Variants in PCDHGA2 observed in about 807,000 individuals in gnomAD.
PCDHGA2 encodes the protein protocadherin gamma-A2.
PCDHGA2 carries 40 observed loss-of-function variants against 59.2 expected under a neutral mutation model. The observed-to-expected ratio is 0.68, with a 90% CI of 0.52 to 0.88. The LOEUF (loss-of-function observed/expected upper bound fraction) is 0.88. Ranked by LOEUF, PCDHGA2 falls within the 40% of genes least tolerant of loss-of-function variation. PCDHGA2 has a pLI of 0.00. For synonymous variants in PCDHGA2, 560 were observed against 526.0 expected, an observed-to-expected ratio of 1.06 and a Z score of -0.89; for missense variants, 1,226 against 1,204.0, an observed-to-expected ratio of 1.02 and a Z score of -0.27.
At chr5:141,383,802 A>G in intron 1 of PCDHGA2, 1 of 1,613,998 alleles carries the variant, frequency 6.2e-7, no homozygotes, top group Non-Finnish European at 8.5e-7. Context: ...CAGGAGAAAT[A>G]TCAACTTTAG....
rs1326093295 is a variant in PCDHGA2 at position 141,364,677 on chromosome 5, T to TTTC, written c.2424+23284_2424+23285insCTT. The stretch of plus-strand genomic sequence containing the variant: ...ATCTTGGTTGAGAACAAAATGAAAA[T>TTTC]TTATGGAGTAGAAGTAGAAATAATC... On this transcript the variant is annotated intron_variant, in intron 1 of 3. Coordinates refer to ENST00000394576, the MANE Select transcript of PCDHGA2 (RefSeq NM_018915.4). The TTTC allele has an allele frequency of 3.7e-6, 6 of 1,613,806 alleles. No homozygotes were observed. In the African/African-American group the frequency reaches 6.7e-5, roughly 18 times the overall value.
intron 1 of PCDHGA2, chr5:141,360,778 G>A: frequency 6.2e-7 from 1 of 1,613,918 alleles, no homozygotes; most frequent in African/African-American, 1.3e-5. Flanking sequence ...CCTCACAGCT[G>A]TGGATGGCGG....
intron 1 of PCDHGA2, chr5:141,417,903 A>G (rs2096184376): frequency 1.3e-6 from 2 of 1,590,930 alleles, no homozygotes; most frequent in Non-Finnish European, 8.6e-7. Flanking sequence ...GGCCCGCGGC[A>G]GGTACTATTT....
intron 1 of PCDHGA2, among the ~76,000 whole-genome samples, chr5:141,473,096 G>A (rs1007912058): frequency 9.9e-5 from 15 of 152,058 alleles, no homozygotes; most frequent in African/African-American, 3.6e-4. Context: ...ACTGTGAGTT[G>A]TATTACCACA....
At chr5:141,360,395 G>A in intron 1 of PCDHGA2, 1 of 1,613,930 alleles carries the variant, frequency 6.2e-7, no homozygotes, top group South Asian at 1.1e-5. Flanking sequence ...TTACTTGTGA[G>A]TGACAGAATA....
intron 1 of PCDHGA2, chr5:141,365,047 G>A (rs1436850571): frequency 2.5e-6 from 4 of 1,613,804 alleles, no homozygotes; most frequent in Non-Finnish European, 3.4e-6. Flanking sequence ...ACGACAATGC[G>A]CCCCTGTTCA....
intron 1 of PCDHGA2, chr5:141,442,419 T>TG (rs1214499832): frequency 1.3e-5 from 2 of 152,192 alleles, no homozygotes; most frequent in African/African-American, 4.8e-5. Context: ...AGTGAACTTC[T>TG]TTTTTGAATC....
intron 1 of PCDHGA2, chr5:141,382,723 T>TA: frequency 1.9e-6 from 1 of 523,900 alleles, no homozygotes; most frequent in Non-Finnish European, 3.2e-6. Flanking sequence ...CACCGAGTTT[T>TA]ACAGCACAGA....
intron 1 of PCDHGA2, chr5:141,402,915 CAG>C: frequency 6.4e-7 from 1 of 1,564,688 alleles, no homozygotes; most frequent in Non-Finnish European, 8.7e-7. Flanking sequence ...GCAGCGCGCA[CAG>C]AGATCCTTTT....
chr5:141,393,220 A>G (rs2092705422), intron 1 of PCDHGA2: 15 of 1,613,684 alleles, frequency 9.3e-6, no homozygotes, highest in Non-Finnish European at 1.3e-5. Context: ...TTCCAGGTCG[A>G]AGATCTAGAA....
intron 1 of PCDHGA2, chr5:141,398,909 T>A: frequency 6.2e-7 from 1 of 1,613,984 alleles, no homozygotes; most frequent in Non-Finnish European, 8.5e-7. Context: ...GGCACCACTG[T>A]GTTGCAAGTG....
chr5:141,347,534 C>T (rs1461932058), intron 1 of PCDHGA2, among the ~76,000 whole-genome samples: 1 of 152,028 alleles, frequency 6.6e-6, no homozygotes, highest in Non-Finnish European at 1.5e-5. Flanking sequence ...ATGCTGTAAT[C>T]CCAGCACTTT....
At chr5:141,390,532 T>C (rs1413146925) in intron 1 of PCDHGA2, 1 of 531,632 alleles carries the variant, frequency 1.9e-6, no homozygotes, top group Admixed American at 3.5e-5. Context: ...GGTGTGGTTT[T>C]AACCACAAAG....
chr5:141,361,091 T>C (rs1409498105), intron 1 of PCDHGA2: 3 of 1,613,898 alleles, frequency 1.9e-6, no homozygotes, highest in Non-Finnish European at 2.5e-6. Flanking sequence ...ACTCTGAGTA[T>C]CGAAGCAAAA....
Position 141,478,294 on chromosome 5 carries a change from A to G in PCDHGA2, c.2425-16513A>G, listed in dbSNP as rs147994096. The G allele has an allele frequency of 3.6e-3, 5,805 of 1,614,110 alleles. 30 individuals are homozygous for G. Among genetic ancestry groups the G allele is most frequent in the Non-Finnish European group, 3.4e-3 (4,026 of 1,180,032 alleles). The stretch of plus-strand genomic sequence containing the variant: ...ACAAGTGGAAGCAGTCTAGAGACCT[A>G]TACCGAGCCCCGGTGAGCTCACTGT... On this transcript the variant is annotated intron_variant, in intron 1 of 3. Coordinates refer to ENST00000394576, the MANE Select transcript of PCDHGA2 (RefSeq NM_018915.4).
At chr5:141,467,767 C>T (rs72790060) in intron 1 of PCDHGA2, among the ~76,000 whole-genome samples, 25,555 of 151,632 alleles carry the variant, frequency 0.17, 2,195 homozygotes, top group South Asian at 0.22. Context: ...GCTCAAGTGC[C>T]CGCACCTCAG....
At chr5:141,423,679 C>T in intron 1 of PCDHGA2, 2 of 1,487,594 alleles carry the variant, frequency 1.3e-6, no homozygotes, top group South Asian at 1.3e-5. Context: ...TATTTCTCTG[C>T]CTCCTAATTG....
chr5:141,490,811 A>G lies in PCDHGA2; in HGVS notation c.2425-3996A>G, dbSNP rs750702067. The G allele has an allele frequency of 1.2e-6, 2 of 1,613,918 alleles. No homozygotes were observed. The highest frequency in any genetic ancestry group is 8.5e-7 in the Non-Finnish European group (1 of 1,179,884). On this transcript the variant is annotated intron_variant, in intron 1 of 3. Coordinates refer to ENST00000394576, the MANE Select transcript of PCDHGA2 (RefSeq NM_018915.4). This position sits in a 1 kb window ranked among gnomAD's most constrained non-coding sequence, Gnocchi z 5.4. ...ATCTTTGCCCAGCGTACCTTTGACTATGAATTGCTGCAGATGCTGCAGATT... is the reference window on the plus strand; with the variant it reads ...ATCTTTGCCCAGCGTACCTTTGACTGTGAATTGCTGCAGATGCTGCAGATT...
chr5:141,428,349 G>A (rs555622676), intron 1 of PCDHGA2: 93 of 583,074 alleles, frequency 1.6e-4, no homozygotes, highest in African/African-American at 1.5e-3. Flanking sequence ...TCCTCGCAGT[G>A]ATTTTGGCGG....
Sources: gnomAD v4.1 joint callset for allele counts (sites outside exome capture counted in the v4.1 genomes callset) on GRCh38, gnomAD v4.1.1 for gene constraint, Gnocchi (gnomAD v3.1) non-coding constraint, MANE v1.5 for transcripts, NCBI Gene and HGNC (gene_info 2026-07-23, HGNC 2026-07-21) for gene names.